Variants in GMDS observed in about 807,000 individuals in gnomAD.
GMDS encodes the protein GDP-mannose 4,6 dehydratase.
In GMDS, 20 loss-of-function variants were observed where a neutral mutation model predicts 49.9. That is an observed-to-expected ratio of 0.40 (90% CI 0.28 to 0.58). The LOEUF is 0.58. Among genes scored for constraint, GMDS ranks in the 20% least tolerant of loss-of-function variants. GMDS has a pLI of 0.42. For synonymous variants in GMDS, 177 were observed against 178.6 expected, an observed-to-expected ratio of 0.99 and a Z score of 0.07; for missense variants, 362 against 481.4, an observed-to-expected ratio of 0.75 and a Z score of 2.32.
At chr6:2,133,689 T>C (rs1054304064) in intron 1 of GMDS, among the ~76,000 whole-genome samples, 2 of 152,150 alleles carry the variant, frequency 1.3e-5, no homozygotes, top group African/African-American at 2.4e-5. Context: ...AGAACTGTGA[T>C]TTTGTTACTT....
At chr6:2,154,002 A>C (rs1279280937) in intron 1 of GMDS, among the ~76,000 whole-genome samples, 4 of 152,166 alleles carry the variant, frequency 2.6e-5, no homozygotes, top group Non-Finnish European at 5.9e-5. Flanking sequence ...CTTTATATAC[A>C]GTTTGATTTT....
intron 4 of GMDS, among the ~76,000 whole-genome samples, chr6:2,079,314 T>G (rs918314321): frequency 1.3e-5 from 2 of 152,036 alleles, no homozygotes; most frequent in Admixed American, 6.6e-5. Flanking sequence ...CCTATTATAT[T>G]GTTATTGTTT....
At chr6:1,903,321 A>T (rs1760595396) in intron 7 of GMDS, among the ~76,000 whole-genome samples, 3 of 152,232 alleles carry the variant, frequency 2.0e-5, no homozygotes, top group Admixed American at 2.0e-4. Context: ...TACTTTGCAC[A>T]TACGGAGAAT....
chr6:1,664,955 A>ATG (rs1764193947), intron 9 of GMDS, among the ~76,000 whole-genome samples: 1 of 152,244 alleles, frequency 6.6e-6, no homozygotes, highest in East Asian at 1.9e-4. Context: ...CTATGTGAAT[A>ATG]CAGATAGACT....
At chr6:1,960,642 C>G (rs547000977) in intron 5 of GMDS, 132 bp downstream of exon 5, 8 of 560,254 alleles carry the variant, frequency 1.4e-5, no homozygotes, top group African/African-American at 1.1e-4. Flanking sequence ...TCACTTTAGT[C>G]TACCTTAATG....
intron 2 of GMDS, among the ~76,000 whole-genome samples, chr6:2,123,713 T>C (rs925500687): frequency 6.6e-6 from 1 of 152,246 alleles, no homozygotes; most frequent in African/African-American, 2.4e-5. Context: ...CGTATACATA[T>C]GTACTTTCAT....
At chr6:2,052,116 CAA>C (rs1285013159) in intron 4 of GMDS, among the ~76,000 whole-genome samples, 2 of 43,608 alleles carry the variant, frequency 4.6e-5, no homozygotes, top group Non-Finnish European at 4.6e-5. Context: ...GACTCTGTCT[CAA>C]AAAAAAAAAA....
intron 9 of GMDS, among the ~76,000 whole-genome samples, chr6:1,699,175 G>A (rs1247340814): frequency 6.6e-6 from 1 of 152,156 alleles, no homozygotes; most frequent in Non-Finnish European, 1.5e-5. Context: ...TGGAGGCATG[G>A]GTGAGAGGAG....
At chr6:2,182,376 T>C (rs1778589966) in intron 1 of GMDS, among the ~76,000 whole-genome samples, 1 of 152,142 alleles carries the variant, frequency 6.6e-6, no homozygotes, top group African/African-American at 2.4e-5. Context: ...TTAGTGAGGG[T>C]GGTTACACTA....
At chr6:1,736,004 T>C (rs1410783965) in intron 8 of GMDS, among the ~76,000 whole-genome samples, 1 of 152,098 alleles carries the variant, frequency 6.6e-6, no homozygotes, top group Non-Finnish European at 1.5e-5. Context: ...TGCCAGCTGT[T>C]TAGGTACTTA....
intron 7 of GMDS, among the ~76,000 whole-genome samples, chr6:1,753,116 C>A (rs996969951): frequency 6.6e-6 from 1 of 152,098 alleles, no homozygotes; most frequent in Non-Finnish European, 1.5e-5. Flanking sequence ...CAAGACCCAT[C>A]GGTGTGCTGT....
At chr6:2,075,251 T>G (rs552943815) in intron 4 of GMDS, among the ~76,000 whole-genome samples, 1 of 142,962 alleles carries the variant, frequency 7.0e-6, no homozygotes, top group African/African-American at 2.7e-5. Context: ...ATGCTATAAA[T>G]TTTTTTTTTT....
chr6:2,177,082 T>C (rs1778317395), intron 1 of GMDS, among the ~76,000 whole-genome samples: 1 of 152,118 alleles, frequency 6.6e-6, no homozygotes. Flanking sequence ...AAGAACGCAG[T>C]TGGAACGCCA....
intron 4 of GMDS, among the ~76,000 whole-genome samples, chr6:1,970,132 C>T (rs567291902): frequency 2.0e-4 from 31 of 152,214 alleles, no homozygotes; most frequent in African/African-American, 7.5e-4. Flanking sequence ...GATCTGTCTG[C>T]AAAAGAACTA....
Position 1,669,914 on chromosome 6 carries a change from T to C in GMDS, c.988-45374A>G, listed in dbSNP as rs552332675. Among the ~76,000 whole-genome samples, 13 of 29,760 alleles carry C rather than the reference T, an allele frequency of 4.4e-4. No homozygotes were observed. In the East Asian group the frequency reaches 0.018, roughly 42 times the overall value. The allele number at this position is 29,760 out of a possible 152,430, so 19.5% of individuals were successfully genotyped here. A position where few individuals can be genotyped will look rare whatever the true frequency, so the allele number is the denominator to read the frequency against. On this transcript the variant is annotated intron_variant, in intron 9 of 10. Transcript: ENST00000380815. ...GGTGAAAAAGCGAGACGAGACTCCA[T>C]CTCAAAAAAAAAAAAAAAAAAAAAA...
chr6:2,157,258 G>T (rs1053859781), intron 1 of GMDS, among the ~76,000 whole-genome samples: 6 of 152,184 alleles, frequency 3.9e-5, no homozygotes, highest in African/African-American at 1.4e-4. Context: ...TGTCTTACAG[G>T]CTCTCAGAGG....
At chr6:2,124,296 T>TTA (rs1775297987) in intron 2 of GMDS, among the ~76,000 whole-genome samples, 1 of 152,188 alleles carries the variant, frequency 6.6e-6, no homozygotes, top group African/African-American at 2.4e-5. Context: ...TTGCCAACAA[T>TTA]CAGCTTGGTT....
intron 7 of GMDS, among the ~76,000 whole-genome samples, chr6:1,793,451 T>C (rs1206062110): frequency 1.3e-5 from 2 of 152,228 alleles, no homozygotes; most frequent in African/African-American, 4.8e-5. Flanking sequence ...AAATGACCTC[T>C]TTCAAGAAGT....
At chr6:2,045,983 G>C (rs1366493755) in intron 4 of GMDS, among the ~76,000 whole-genome samples, 1 of 152,160 alleles carries the variant, frequency 6.6e-6, no homozygotes, top group African/African-American at 2.4e-5. Flanking sequence ...GGCCAAGGCA[G>C]GAGGATCACT....
Sources: gnomAD v4.1 joint callset for allele counts (sites outside exome capture counted in the v4.1 genomes callset) on GRCh38, gnomAD v4.1.1 for gene constraint, MANE v1.5 for transcripts, NCBI Gene and HGNC (gene_info 2026-07-23, HGNC 2026-07-21) for gene names.